The following KYNU variants were observed in gnomAD, a reference collection of about 807,000 sequenced individuals.
KYNU encodes the protein kynureninase.
In KYNU, 54 loss-of-function variants were observed where a neutral mutation model predicts 59.2. That is an observed-to-expected ratio of 0.91 (90% CI 0.73 to 1.14). The LOEUF is 1.14. Ranked by LOEUF, KYNU falls within the 50% of genes most tolerant of loss-of-function variation. KYNU has a pLI of 0.00. For missense variants in KYNU, 567 were observed against 554.4 expected, an observed-to-expected ratio of 1.02 and a Z score of -0.23; for synonymous variants, 177 against 192.0, an observed-to-expected ratio of 0.92 and a Z score of 0.65.
At chr2:142,931,132 C>G (rs1266702205) in intron 4 of KYNU, among the ~76,000 whole-genome samples, 1 of 152,220 alleles carries the variant, frequency 6.6e-6, no homozygotes, top group African/African-American at 2.4e-5. Flanking sequence ...CTTCTGATAT[C>G]TTGCTGGCGC....
chr2:143,019,941 T>C (rs1686360841), intron 10 of KYNU, among the ~76,000 whole-genome samples: 1 of 152,090 alleles, frequency 6.6e-6, no homozygotes, highest in Admixed American at 6.6e-5. Flanking sequence ...TAGTCTGTAA[T>C]TATCCTTTGT....
chr2:142,998,790 C>T (rs1222598028), intron 10 of KYNU, among the ~76,000 whole-genome samples: 1 of 151,896 alleles, frequency 6.6e-6, no homozygotes, highest in Admixed American at 6.6e-5. Flanking sequence ...GGGCAGATCA[C>T]AAGGTCAGGA....
chr2:142,888,405 C>T (rs1034608316), intron 2 of KYNU, among the ~76,000 whole-genome samples: 1 of 152,140 alleles, frequency 6.6e-6, no homozygotes. Flanking sequence ...CTGCAGTGAG[C>T]CATGATCACA....
rs1380640435 is a variant in KYNU, at chr2:143,049,035, GATTA to G, written c.*6867_*6870del. The G allele has an allele frequency of 6.6e-6, 1 of 151,940 alleles. No individual in the cohort carries two copies. The highest frequency in any genetic ancestry group is 1.5e-5 in the Non-Finnish European group (1 of 67,974). The allele number at this position is 151,940 out of a possible 1,614,324, so 9.4% of individuals were successfully genotyped here. ...ATTTGCTGTCTATCCAAGATTTGAGGATTAATTTTTTAATTTCTAGAAAATTCAG... is the reference window on the plus strand; with the variant it reads ...ATTTGCTGTCTATCCAAGATTTGAGGATTTTTTAATTTCTAGAAAATTCAG... On this transcript the variant is annotated 3_prime_UTR_variant, in exon 14 of 14. Coordinates refer to ENST00000264170, the MANE Select transcript of KYNU (RefSeq NM_003937.3).
chr2:143,025,232 C>G (rs191779385), intron 10 of KYNU, among the ~76,000 whole-genome samples: 1 of 152,220 alleles, frequency 6.6e-6, no homozygotes, highest in African/African-American at 2.4e-5. Flanking sequence ...CATCCACTTT[C>G]AGGCAATCTT....
chr2:142,924,129 G>T (rs919011086), intron 3 of KYNU, among the ~76,000 whole-genome samples: 11 of 152,052 alleles, frequency 7.2e-5, no homozygotes, highest in African/African-American at 2.4e-4. Flanking sequence ...TTTGGAGTCA[G>T]GGTGTCACTC....
intron 10 of KYNU, among the ~76,000 whole-genome samples, chr2:143,011,217 A>G (rs112064099): frequency 7.2e-6 from 1 of 138,864 alleles, no homozygotes; most frequent in Admixed American, 7.1e-5. Context: ...AATTTACAAG[A>G]AAAAAACAAA....
At chr2:142,879,968 T>C (rs1681235149) in intron 1 of KYNU, among the ~76,000 whole-genome samples, 1 of 152,168 alleles carries the variant, frequency 6.6e-6, no homozygotes, top group Admixed American at 6.5e-5. Flanking sequence ...GTCTCAAATA[T>C]AAGGCAAGCT....
At chr2:143,035,394 C>T (rs926245544) in intron 12 of KYNU, among the ~76,000 whole-genome samples, 1 of 152,192 alleles carries the variant, frequency 6.6e-6, no homozygotes, top group South Asian at 2.1e-4. Context: ...GTTAATCAAG[C>T]CTTATGTTGG....
At chr2:142,956,330 A>G (rs1474070059) in intron 6 of KYNU, 56 bp downstream of exon 6, 1 of 1,111,512 alleles carries the variant, frequency 9.0e-7, no homozygotes. Flanking sequence ...AGAGCAGTGT[A>G]TCATTTGCCT....
At chr2:142,981,669 G>C (rs1432374921) in intron 8 of KYNU, among the ~76,000 whole-genome samples, 1 of 151,980 alleles carries the variant, frequency 6.6e-6, no homozygotes, top group African/African-American at 2.4e-5. Context: ...GAGGAACAAA[G>C]AATAAATTAA....
At chr2:142,965,210 T>C (rs1010331343) in intron 8 of KYNU, among the ~76,000 whole-genome samples, 3 of 152,224 alleles carry the variant, frequency 2.0e-5, no homozygotes, top group African/African-American at 7.2e-5. Context: ...CAAAGAGATT[T>C]GTGTCATCCA....
At chr2:142,907,769 C>T (rs145158510) in intron 2 of KYNU, among the ~76,000 whole-genome samples, 4,641 of 152,254 alleles carry the variant, frequency 0.03, 93 homozygotes, top group Non-Finnish European at 0.049. Context: ...AGTGAGCCTT[C>T]TTTACTACCT....
chr2:143,034,349 A>T (rs1186206784), intron 12 of KYNU, among the ~76,000 whole-genome samples: 1 of 152,208 alleles, frequency 6.6e-6, no homozygotes, highest in Non-Finnish European at 1.5e-5. Flanking sequence ...GCAAAAACTT[A>T]TAGAGGATTT....
intron 3 of KYNU, among the ~76,000 whole-genome samples, chr2:142,926,781 C>A (rs535549988): frequency 6.6e-6 from 1 of 152,240 alleles, no homozygotes; most frequent in Non-Finnish European, 1.5e-5. Context: ...CATTACACAC[C>A]AGGCTTGGGA....
At chr2:142,912,983 T>C (rs545929089) in intron 2 of KYNU, among the ~76,000 whole-genome samples, 2 of 152,266 alleles carry the variant, frequency 1.3e-5, no homozygotes, top group South Asian at 4.1e-4. Context: ...AGTGCTGGGA[T>C]TACAGGCTGG....
At chr2:142,959,969 C>G (rs1684289013) in intron 7 of KYNU, among the ~76,000 whole-genome samples, 1 of 152,160 alleles carries the variant, frequency 6.6e-6, no homozygotes, top group African/African-American at 2.4e-5. Context: ...CTCTGTCACC[C>G]AGGCTGGAGT....
At position 142,947,080 on chromosome 2, in the gene KYNU, A is replaced by G. The variant is rs911169645; in HGVS notation, c.374-7730A>G. The G allele has an allele frequency of 1.4e-5, 22 of 1,550,824 alleles. No homozygotes were observed. In the Middle Eastern group the frequency reaches 6.7e-4, roughly 47 times the overall value. ...AAGCAACTCCTGTGACTAATGTCAA[A>G]CAATATGTCCTTTTGTTGCTTTTTT... is the stretch of plus-strand genomic sequence containing the variant. On this transcript the variant is annotated intron_variant, in intron 4 of 13. Coordinates refer to ENST00000264170, the MANE Select transcript of KYNU (RefSeq NM_003937.3).
chr2:142,912,703 CTTTTTTTTTTTTTTT>C (rs1163302368), intron 2 of KYNU, among the ~76,000 whole-genome samples: 1 of 71,836 alleles, frequency 1.4e-5, no homozygotes, highest in African/African-American at 7.1e-5. Context: ...TTCTTTCTTC[CTTTTTTTTTTTTTTT>C]TTTTTTTTTG....
Sources: allele counts gnomAD v4.1 joint callset (sites outside exome capture counted in the v4.1 genomes callset), GRCh38; gene constraint gnomAD v4.1.1; transcripts MANE v1.5; gene names NCBI Gene and HGNC (gene_info 2026-07-23, HGNC 2026-07-21).